Variants in RAP1GDS1 observed in about 807,000 individuals in gnomAD.
The protein encoded by RAP1GDS1 is RAP1, GTP-GDP dissociation stimulator 1.
A neutral mutation model predicts 71.1 loss-of-function variants in RAP1GDS1; 35 were observed. The observed-to-expected ratio is 0.49, with a 90% CI of 0.38 to 0.65. The LOEUF (loss-of-function observed/expected upper bound fraction) is 0.65, where lower values mean the gene tolerates loss of function less well. Ranked by LOEUF, RAP1GDS1 falls within the 30% of genes least tolerant of loss-of-function variation. The pLI, the probability that RAP1GDS1 is intolerant of heterozygous loss-of-function variation, is 0.00. For synonymous variants in RAP1GDS1, 229 were observed against 243.1 expected, an observed-to-expected ratio of 0.94 and a Z score of 0.54; for missense variants, 663 against 706.1, an observed-to-expected ratio of 0.94 and a Z score of 0.69.
chr4:98,362,580 T>C (rs1356085964), intron 4 of RAP1GDS1, among the ~76,000 whole-genome samples: 1 of 143,918 alleles, frequency 6.9e-6, no homozygotes, highest in African/African-American at 2.9e-5. Context: ...TTAATAGGAA[T>C]GGGAAAAAAA....
intron 14 of RAP1GDS1, among the ~76,000 whole-genome samples, chr4:98,438,667 A>G (rs1751494668): frequency 7.0e-6 from 1 of 142,390 alleles, no homozygotes; most frequent in South Asian, 2.2e-4. Context: ...ATTTTGGCAC[A>G]CTGCAACTTC....
chr4:98,359,788 T>C (rs918003292), intron 4 of RAP1GDS1, among the ~76,000 whole-genome samples: 4 of 152,152 alleles, frequency 2.6e-5, no homozygotes, highest in East Asian at 1.9e-4. Context: ...TATAGTCTAA[T>C]TGGAATGGAC....
At chr4:98,267,460 C>T (rs905180444) in intron 1 of RAP1GDS1, among the ~76,000 whole-genome samples, 2 of 152,094 alleles carry the variant, frequency 1.3e-5, no homozygotes, top group Non-Finnish European at 2.9e-5. Flanking sequence ...GTGCATGGTA[C>T]CCAGTGGGTA....
chr4:98,289,630 T>G (rs1330442682), intron 1 of RAP1GDS1, among the ~76,000 whole-genome samples: 2 of 151,778 alleles, frequency 1.3e-5, no homozygotes, highest in Admixed American at 1.3e-4. Context: ...AATATTATAA[T>G]TTTTAAACAC....
chr4:98,362,336 G>C (rs1420183235), intron 4 of RAP1GDS1, among the ~76,000 whole-genome samples: 1 of 152,098 alleles, frequency 6.6e-6, no homozygotes, highest in Non-Finnish European at 1.5e-5. Flanking sequence ...ATTTAGCTGT[G>C]CATGATGGAG....
At chr4:98,376,789 C>T (rs998289973) in intron 4 of RAP1GDS1, among the ~76,000 whole-genome samples, 1 of 151,818 alleles carries the variant, frequency 6.6e-6, no homozygotes, top group African/African-American at 2.4e-5. Flanking sequence ...TTATGCCTTG[C>T]AAACAATTCT....
intron 1 of RAP1GDS1, among the ~76,000 whole-genome samples, chr4:98,290,977 G>T (rs1196873711): frequency 3.3e-5 from 5 of 152,102 alleles, no homozygotes; most frequent in Non-Finnish European, 7.4e-5. Context: ...AAGATCTATT[G>T]AAGAAGACCA....
At chr4:98,299,767 T>G (rs1728303019) in intron 2 of RAP1GDS1, among the ~76,000 whole-genome samples, 1 of 151,936 alleles carries the variant, frequency 6.6e-6, no homozygotes, top group African/African-American at 2.4e-5. Context: ...CCCGAGCAGC[T>G]GGGACTACAG....
chr4:98,293,977 T>C (rs1409656496), intron 2 of RAP1GDS1, among the ~76,000 whole-genome samples: 1 of 152,118 alleles, frequency 6.6e-6, no homozygotes, highest in Non-Finnish European at 1.5e-5. Context: ...TAAAATAATA[T>C]GTATGCATAG....
intron 2 of RAP1GDS1, among the ~76,000 whole-genome samples, chr4:98,341,370 G>A (rs930578127): frequency 1.3e-5 from 2 of 152,196 alleles, no homozygotes; most frequent in African/African-American, 4.8e-5. Context: ...AGTGTCATTG[G>A]AGTGCAAGAG....
At chr4:98,397,314 T>G (rs1335126219) in intron 6 of RAP1GDS1, among the ~76,000 whole-genome samples, 1 of 152,140 alleles carries the variant, frequency 6.6e-6, no homozygotes, top group Non-Finnish European at 1.5e-5. Context: ...TTTGCCTCTT[T>G]TAAAATTTTA....
intron 2 of RAP1GDS1, among the ~76,000 whole-genome samples, chr4:98,335,632 A>G (rs1734609582): frequency 6.6e-6 from 1 of 152,070 alleles, no homozygotes; most frequent in African/African-American, 2.4e-5. Flanking sequence ...AATGTTTATC[A>G]TATTAAATAT....
intron 1 of RAP1GDS1, among the ~76,000 whole-genome samples, chr4:98,279,282 A>G (rs1415913105): frequency 1.3e-5 from 2 of 152,100 alleles, no homozygotes; most frequent in Non-Finnish European, 2.9e-5. Context: ...ATTTTTTCTA[A>G]GGAACATTAT....
intron 12 of RAP1GDS1, among the ~76,000 whole-genome samples, chr4:98,426,190 C>A (rs893996900): frequency 2.0e-5 from 3 of 152,028 alleles, no homozygotes; most frequent in Admixed American, 6.6e-5. Flanking sequence ...ATAAATGATA[C>A]AACCTATCAA....
chr4:98,421,305 G>A lies in RAP1GDS1; in HGVS notation c.1351G>A (p.Val451Met). Residue 451 changes from valine (V) to methionine (M), a missense_variant, in exon 12 of 15, where the codon GTG becomes ATG. Transcript: ENST00000408927. ...GKNVKLVERL[V>M]EWCEAKDHAG... ...GAATGTTAAGTTAGTGGAGCGTTTG[G>A]TGGAATGGTGTGAAGCCAAAGATCA... 6.2e-7 allele frequency: 1 copy of A among 1,611,964 alleles called. No homozygotes were observed. The highest frequency in any genetic ancestry group is 8.5e-7 in the Non-Finnish European group (1 of 1,178,708).
At chr4:98,441,939 A>G in intron 14 of RAP1GDS1, 51 bp from the exon 15 acceptor site, 1 of 1,590,418 alleles carries the variant, frequency 6.3e-7, no homozygotes, top group Non-Finnish European at 8.6e-7. Context: ...TGTTTTGGAT[A>G]GACTTAGAAC....
intron 1 of RAP1GDS1, among the ~76,000 whole-genome samples, chr4:98,284,656 T>A (rs912818521): frequency 9.9e-5 from 15 of 152,102 alleles, no homozygotes; most frequent in African/African-American, 3.4e-4. Flanking sequence ...ATGTAACCAT[T>A]AGAATGCAGC....
At chr4:98,365,444 CT>C (rs144889062) in intron 4 of RAP1GDS1, among the ~76,000 whole-genome samples, 13,706 of 151,818 alleles carry the variant, frequency 0.09, 806 homozygotes, top group East Asian at 0.15. Context: ...GCGGAACCCC[CT>C]ATCCCCTCTC....
chr4:98,412,881 C>T (rs984847387), intron 7 of RAP1GDS1, among the ~76,000 whole-genome samples: 4 of 152,052 alleles, frequency 2.6e-5, no homozygotes, highest in Non-Finnish European at 4.4e-5. Context: ...ACAAAGATCA[C>T]GTGCTTTACA....
Sources: gnomAD v4.1 joint callset for allele counts (sites outside exome capture counted in the v4.1 genomes callset) on GRCh38, gnomAD v4.1.1 for gene constraint, MANE v1.5 for transcripts, NCBI Gene and HGNC (gene_info 2026-07-23, HGNC 2026-07-21) for gene names.